LHFPL2: variants seen among roughly 807,000 people sequenced by gnomAD.
The protein encoded by LHFPL2 is LHFPL tetraspan subfamily member 2 protein.
In LHFPL2, 7 loss-of-function variants were observed where a neutral mutation model predicts 17.5. The observed-to-expected ratio is 0.40, with a 90% confidence interval of 0.23 to 0.75. LHFPL2 has a LOEUF of 0.75. LHFPL2 is among the 30% of genes least tolerant of loss of function. The probability of loss-of-function intolerance (pLI) is 0.37; values close to 1 mark genes in which losing one functional copy is unlikely to be tolerated. For missense variants in LHFPL2, 241 were observed against 294.8 expected, an observed-to-expected ratio of 0.82 and a Z score of 1.34; for synonymous variants, 134 against 116.2, an observed-to-expected ratio of 1.15 and a Z score of -0.99.
At chr5:78,569,036 G>T (rs1323836435) in intron 2 of LHFPL2, among the ~76,000 whole-genome samples, 1 of 152,154 alleles carries the variant, frequency 6.6e-6, no homozygotes, top group Non-Finnish European at 1.5e-5. Context: ...AGGCAGGCCA[G>T]TGTATTTCCA....
At chr5:78,496,476 A>G (rs1187528310) in intron 4 of LHFPL2, among the ~76,000 whole-genome samples, 14 of 152,202 alleles carry the variant, frequency 9.2e-5, no homozygotes, top group Admixed American at 6.5e-5. Flanking sequence ...TTCTGAAAAA[A>G]TAAAAAACAA....
intron 2 of LHFPL2, among the ~76,000 whole-genome samples, chr5:78,613,944 G>C (rs895259207): frequency 2.6e-5 from 4 of 152,290 alleles, no homozygotes; most frequent in East Asian, 3.9e-4. Flanking sequence ...CTCTGTAAGA[G>C]AGCCCTGGTC....
intron 1 of LHFPL2, among the ~76,000 whole-genome samples, chr5:78,633,987 C>CTTGGTG (rs1745340327): frequency 6.6e-6 from 1 of 152,096 alleles, no homozygotes; most frequent in African/African-American, 2.4e-5. Flanking sequence ...GTGAAATGAA[C>CTTGGTG]TCTGTGGTTA....
chr5:78,527,367 T>TTG (rs1561322806), intron 3 of LHFPL2, among the ~76,000 whole-genome samples: 1 of 145,758 alleles, frequency 6.9e-6, no homozygotes, highest in Non-Finnish European at 1.5e-5. Context: ...TGAGGAGTTT[T>TTG]TTTTTTTTTT....
At chr5:78,571,857 T>G (rs541213342) in intron 2 of LHFPL2, among the ~76,000 whole-genome samples, 1 of 152,214 alleles carries the variant, frequency 6.6e-6, no homozygotes, top group African/African-American at 2.4e-5. Context: ...TAGATCTGAA[T>G]TTTTAAGTTA....
In LHFPL2 at chr5:78,564,009, G is replaced by A. The variant is rs370717337; in HGVS notation, c.-186+804C>T. Reference sequence around the variant, plus strand: ...TAAAAGACTTTTCTACAAATGAGACGGTATCTGTGAAAATGCTGTGTGCAA... The same window carrying A: ...TAAAAGACTTTTCTACAAATGAGACAGTATCTGTGAAAATGCTGTGTGCAA... On this transcript the variant is annotated intron_variant, in intron 3 of 4. Coordinates refer to ENST00000380345, the MANE Select transcript of LHFPL2 (RefSeq NM_005779.3). Among the ~76,000 whole-genome samples the A allele has an allele frequency of 2.7e-3, 405 of 152,246 alleles. 17 individuals are homozygous for A. In the South Asian group the frequency reaches 0.079, roughly 30 times the overall value.
At chr5:78,556,941 C>T (rs1756586389) in intron 3 of LHFPL2, among the ~76,000 whole-genome samples, 1 of 150,930 alleles carries the variant, frequency 6.6e-6, no homozygotes, top group Non-Finnish European at 1.5e-5. Context: ...ACAGGTCACA[C>T]ATAAACAGCT....
At chr5:78,553,996 T>C (rs1756509893) in intron 3 of LHFPL2, among the ~76,000 whole-genome samples, 1 of 152,238 alleles carries the variant, frequency 6.6e-6, no homozygotes, top group Non-Finnish European at 1.5e-5. Flanking sequence ...TCTCCCTGCG[T>C]TCCCCATTTC....
chr5:78,556,970 T>C (rs186959352), intron 3 of LHFPL2, among the ~76,000 whole-genome samples: 72 of 152,270 alleles, frequency 4.7e-4, no homozygotes, highest in East Asian at 3.1e-3. Context: ...TCCTTTTTTT[T>C]TTTTATACTT....
At chr5:78,490,863 T>G (rs960074582) in intron 4 of LHFPL2, among the ~76,000 whole-genome samples, 1 of 152,146 alleles carries the variant, frequency 6.6e-6, no homozygotes, top group Non-Finnish European at 1.5e-5. Flanking sequence ...AGTTCCCACT[T>G]TTTAGATACT....
At chr5:78,507,921 T>C (rs1347933671) in intron 4 of LHFPL2, among the ~76,000 whole-genome samples, 2 of 142,618 alleles carry the variant, frequency 1.4e-5, no homozygotes, top group African/African-American at 5.4e-5. Flanking sequence ...CCTGCAAAAG[T>C]TTTAAGATAT....
At chr5:78,615,111 G>A (rs1041330239) in intron 2 of LHFPL2, among the ~76,000 whole-genome samples, 1 of 152,194 alleles carries the variant, frequency 6.6e-6, no homozygotes, top group Non-Finnish European at 1.5e-5. Context: ...GTTGATGTCT[G>A]TACAAGCATT....
chr5:78,644,412 GCCTTT>G (rs1745789636), intron 1 of LHFPL2: 1 of 753,680 alleles, frequency 1.3e-6, no homozygotes, highest in Non-Finnish European at 2.2e-6. Flanking sequence ...CAGCTTCACA[GCCTTT>G]TCATAAGGCT....
intron 2 of LHFPL2, among the ~76,000 whole-genome samples, chr5:78,598,903 A>G (rs1743910588): frequency 6.6e-6 from 1 of 152,208 alleles, no homozygotes; most frequent in Admixed American, 6.5e-5. Context: ...ATGTATAGAT[A>G]TATTATCTTG....
At chr5:78,521,770 C>T (rs1755465335) in intron 3 of LHFPL2, among the ~76,000 whole-genome samples, 1 of 152,196 alleles carries the variant, frequency 6.6e-6, no homozygotes. Flanking sequence ...CACTTTCACT[C>T]CTCCTAATTT....
chr5:78,530,722 CCAA>C (rs1334578972), intron 3 of LHFPL2, among the ~76,000 whole-genome samples: 4 of 152,178 alleles, frequency 2.6e-5, no homozygotes, highest in African/African-American at 9.7e-5. Context: ...TCCTTGGTCA[CCAA>C]CAACACCTGT....
chr5:78,643,545 C>A lies in LHFPL2; in HGVS notation c.-350+4954G>T, dbSNP rs372103221. 3.1e-4 allele frequency among the ~76,000 whole-genome samples: 47 copies of A among 151,992 alleles called. 1 individual carries two copies. The East Asian group carries it at 8.7e-3, about 28-fold the overall frequency. On this transcript the variant is annotated intron_variant, in intron 1 of 4. Transcript: ENST00000380345. The stretch of plus-strand genomic sequence containing the variant: ...AAGATTGTATTTACTTAGAAGCATT[C>A]ATTATGTCAACAAAACAGCCACAAC...
chr5:78,619,170 T>C (rs1445359342), intron 2 of LHFPL2, among the ~76,000 whole-genome samples: 2 of 152,154 alleles, frequency 1.3e-5, no homozygotes, highest in Non-Finnish European at 2.9e-5. Flanking sequence ...GGACTAGAAG[T>C]GTGTGCCACC....
At chr5:78,511,650 A>G (rs920032642) in intron 3 of LHFPL2, among the ~76,000 whole-genome samples, 1 of 152,204 alleles carries the variant, frequency 6.6e-6, no homozygotes, top group Non-Finnish European at 1.5e-5. Context: ...GCGGAGAAAT[A>G]AGGAAGCCCA....
Sources: allele counts gnomAD v4.1 joint callset (sites outside exome capture counted in the v4.1 genomes callset), GRCh38; gene constraint gnomAD v4.1.1; transcripts MANE v1.5; gene names NCBI Gene and HGNC (gene_info 2026-07-23, HGNC 2026-07-21).